Variants in FRMD4A observed in about 807,000 individuals in gnomAD.
FRMD4A encodes FERM domain-containing protein 4A.
FRMD4A carries 29 observed loss-of-function variants against 129.1 expected under a neutral mutation model. That is an observed-to-expected ratio of 0.22 (90% confidence interval 0.17 to 0.31). The LOEUF (loss-of-function observed/expected upper bound fraction) is 0.31. FRMD4A is among the 10% of genes least tolerant of loss of function. FRMD4A has a pLI of 1.00. For missense variants in FRMD4A, 1,272 were observed against 1,375.8 expected, an observed-to-expected ratio of 0.92 and a Z score of 1.19; for synonymous variants, 634 against 571.6, an observed-to-expected ratio of 1.11 and a Z score of -1.56.
intron 2 of FRMD4A, among the ~76,000 whole-genome samples, chr10:14,145,848 T>C (rs6602709): frequency 0.67 from 102,472 of 152,062 alleles, 35,174 homozygotes; most frequent in African/African-American, 0.8. Context: ...TAAGCAAGGA[T>C]GTAAATCTCT....
intron 2 of FRMD4A, among the ~76,000 whole-genome samples, chr10:14,025,648 C>T (rs1388839248): frequency 1.3e-5 from 2 of 152,176 alleles, no homozygotes; most frequent in Non-Finnish European, 2.9e-5. Flanking sequence ...TCTCATTTTG[C>T]AAAACGGAAA....
intron 12 of FRMD4A, among the ~76,000 whole-genome samples, chr10:13,713,423 C>T (rs1190894876): frequency 2.6e-5 from 4 of 152,180 alleles, no homozygotes; most frequent in African/African-American, 7.2e-5. Context: ...AAGAATTAGA[C>T]TCATGGACAG....
intron 6 of FRMD4A, among the ~76,000 whole-genome samples, chr10:13,763,810 A>G (rs2092170157): frequency 6.6e-6 from 1 of 152,096 alleles, no homozygotes. Context: ...ATCTTGGCTC[A>G]CTGCAACCTC....
At chr10:13,867,822 A>C (rs1375099364) in intron 2 of FRMD4A, among the ~76,000 whole-genome samples, 2 of 137,570 alleles carry the variant, frequency 1.5e-5, no homozygotes, top group African/African-American at 2.7e-5. Flanking sequence ...ACATAATATA[A>C]TATATAATAT....
chr10:13,882,398 A>T (rs1452150320), intron 2 of FRMD4A, among the ~76,000 whole-genome samples: 6 of 152,210 alleles, frequency 3.9e-5, no homozygotes, highest in Non-Finnish European at 8.8e-5. Flanking sequence ...GGTGAGTCAC[A>T]TCATGGGACA....
chr10:13,652,605 G>A (rs1363064307), intron 23 of FRMD4A: 1 of 152,796 alleles, frequency 6.5e-6, no homozygotes, highest in Non-Finnish European at 1.5e-5. Context: ...GTGGGTGAGT[G>A]TTAATGATCT....
intron 2 of FRMD4A, among the ~76,000 whole-genome samples, chr10:14,096,016 C>T (rs142232041): frequency 2.0e-5 from 3 of 152,328 alleles, no homozygotes; most frequent in East Asian, 1.9e-4. Context: ...AAATAACCCT[C>T]GCCATCCTGT....
At chr10:14,177,512 TA>T (rs1030272639) in intron 2 of FRMD4A, among the ~76,000 whole-genome samples, 4 of 151,852 alleles carry the variant, frequency 2.6e-5, no homozygotes, top group Admixed American at 1.3e-4. Flanking sequence ...TCCTTGATAT[TA>T]AAAAAAATAT....
At chr10:13,937,493 T>C (rs763312106) in intron 2 of FRMD4A, among the ~76,000 whole-genome samples, 7 of 152,194 alleles carry the variant, frequency 4.6e-5, no homozygotes, top group Non-Finnish European at 1.0e-4. Context: ...CCTTTAAATA[T>C]GATCACCGAT....
chr10:13,781,446 C>T (rs898232373), intron 6 of FRMD4A, among the ~76,000 whole-genome samples: 11 of 122,784 alleles, frequency 9.0e-5, no homozygotes, highest in African/African-American at 1.5e-4. Context: ...GGTATGATCT[C>T]GGCTCACTGT....
intron 2 of FRMD4A, chr10:13,972,098 G>C (rs953320668): frequency 3.6e-6 from 4 of 1,114,072 alleles, no homozygotes; most frequent in Non-Finnish European, 4.4e-6. Context: ...AAACCTCAGT[G>C]TGCAGATAAC....
At chr10:14,291,991 A>T (rs1845863132) in intron 2 of FRMD4A, among the ~76,000 whole-genome samples, 1 of 152,186 alleles carries the variant, frequency 6.6e-6, no homozygotes, top group African/African-American at 2.4e-5. Flanking sequence ...TTAGGAATAA[A>T]TCTAAGTACA....
At chr10:14,259,381 T>C (rs1844723289) in intron 2 of FRMD4A, among the ~76,000 whole-genome samples, 1 of 152,176 alleles carries the variant, frequency 6.6e-6, no homozygotes, top group Non-Finnish European at 1.5e-5. Context: ...ATTACTGAAA[T>C]AAATATTATT....
chr10:14,047,814 A>G (rs1834053893), intron 2 of FRMD4A, among the ~76,000 whole-genome samples: 1 of 152,190 alleles, frequency 6.6e-6, no homozygotes, highest in South Asian at 2.1e-4. Flanking sequence ...TTGGAATAGG[A>G]GGAGGCCCTG....
intron 12 of FRMD4A, among the ~76,000 whole-genome samples, chr10:13,721,694 G>A (rs765433085): frequency 2.6e-5 from 4 of 152,220 alleles, no homozygotes; most frequent in Non-Finnish European, 5.9e-5. Context: ...GCACCAGGCC[G>A]GCTGGGGCAG....
At chr10:14,324,650 G>A (rs1414230531) in intron 2 of FRMD4A, among the ~76,000 whole-genome samples, 1 of 61,722 alleles carries the variant, frequency 1.6e-5, no homozygotes, top group Non-Finnish European at 3.8e-5. Flanking sequence ...CTATCTTAAT[G>A]CTATTTATTT....
chr10:14,118,946 TA>T (rs1838347486), intron 2 of FRMD4A, among the ~76,000 whole-genome samples: 1 of 152,162 alleles, frequency 6.6e-6, no homozygotes, highest in African/African-American at 2.4e-5. Flanking sequence ...CTGAGTGACC[TA>T]CCTTTTAATG....
chr10:13,866,183 T>C (rs2094365227), intron 2 of FRMD4A: 1 of 345,510 alleles, frequency 2.9e-6, no homozygotes, highest in Non-Finnish European at 4.1e-6. Flanking sequence ...CCAAACCACC[T>C]GAAATGCTAT....
At chr10:14,172,208 C>T (rs1246464994) in intron 2 of FRMD4A, among the ~76,000 whole-genome samples, 1 of 152,210 alleles carries the variant, frequency 6.6e-6, no homozygotes, top group Non-Finnish European at 1.5e-5. Context: ...AACACATACA[C>T]ATACACAAAT....
Sources: allele counts gnomAD v4.1 joint callset (sites outside exome capture counted in the v4.1 genomes callset), GRCh38; gene constraint gnomAD v4.1.1; transcripts MANE v1.5; gene names NCBI Gene and HGNC (gene_info 2026-07-23, HGNC 2026-07-21).